Variants in WDR70 observed in about 807,000 individuals in gnomAD.
WDR70 encodes WD repeat domain 70, also known as WD repeat-containing protein 70.
In WDR70, 53 loss-of-function variants were observed where a neutral mutation model predicts 88.6. The observed-to-expected ratio is 0.60, with a 90% CI of 0.48 to 0.75. The LOEUF (loss-of-function observed/expected upper bound fraction) is 0.75. Among genes scored for constraint, WDR70 ranks in the 30% least tolerant of loss-of-function variants. WDR70 has a pLI of 0.00. For synonymous variants in WDR70, 280 were observed against 270.0 expected (o/e 1.04, Z -0.36); for missense variants, 610 against 823.2 (o/e 0.74, Z 3.17).
chr5:37,407,622 C>T (rs1237224588), intron 5 of WDR70, among the ~76,000 whole-genome samples: 1 of 151,918 alleles, frequency 6.6e-6, no homozygotes, highest in East Asian at 1.9e-4. Context: ...ATTTATTTGC[C>T]TACTTTAGCT....
chr5:37,593,169 T>A (rs546997716), intron 9 of WDR70, among the ~76,000 whole-genome samples: 64 of 152,294 alleles, frequency 4.2e-4, no homozygotes, highest in South Asian at 1.2e-3. Flanking sequence ...CTCTTTTTTT[T>A]AAAATACTTT....
At chr5:37,566,045 A>G (rs1021539598) in intron 9 of WDR70, among the ~76,000 whole-genome samples, 9 of 152,126 alleles carry the variant, frequency 5.9e-5, no homozygotes, top group African/African-American at 2.2e-4. Context: ...GAGTTGTGCA[A>G]CCATCATCTA....
At chr5:37,652,190 T>C (rs1745427987) in intron 10 of WDR70, among the ~76,000 whole-genome samples, 5 of 152,240 alleles carry the variant, frequency 3.3e-5, no homozygotes, top group Admixed American at 2.6e-4. Flanking sequence ...ATTTATTACA[T>C]AGGGAATCCT....
chr5:37,696,675 G>A (rs529899941), intron 10 of WDR70, among the ~76,000 whole-genome samples: 53 of 86,332 alleles, frequency 6.1e-4, no homozygotes, highest in South Asian at 1.8e-3. Flanking sequence ...ACACACACAC[G>A]CGCGTGCACA....
At chr5:37,393,332 G>A (rs1290474091) in intron 4 of WDR70, among the ~76,000 whole-genome samples, 2 of 152,116 alleles carry the variant, frequency 1.3e-5, no homozygotes, top group Admixed American at 1.3e-4. Flanking sequence ...GAGTCACCGC[G>A]CCCAGCGTTA....
chr5:37,563,225 GC>G (rs1182652087), intron 9 of WDR70, among the ~76,000 whole-genome samples: 4 of 68,308 alleles, frequency 5.9e-5, no homozygotes, highest in Non-Finnish European at 1.1e-4. Flanking sequence ...GGGCAGAGGG[GC>G]TCCTCACTTC....
intron 5 of WDR70, among the ~76,000 whole-genome samples, chr5:37,409,089 C>T (rs369737286): frequency 1.4e-4 from 22 of 152,172 alleles, no homozygotes; most frequent in African/African-American, 5.3e-4. Flanking sequence ...CAGGCACCTG[C>T]TACCATGCCC....
intron 13 of WDR70, among the ~76,000 whole-genome samples, chr5:37,709,212 A>C (rs1361968657): frequency 6.6e-6 from 1 of 152,248 alleles, no homozygotes; most frequent in Non-Finnish European, 1.5e-5. Flanking sequence ...TGGGCTTTGA[A>C]TTAACCAGCT....
intron 7 of WDR70, among the ~76,000 whole-genome samples, chr5:37,476,800 G>A (rs1739500623): frequency 6.6e-6 from 1 of 152,052 alleles, no homozygotes; most frequent in South Asian, 2.1e-4. Flanking sequence ...CACCTGCCTT[G>A]GCCTCCCAAA....
chr5:37,685,133 G>A (rs1396100904), intron 10 of WDR70, among the ~76,000 whole-genome samples: 1 of 152,106 alleles, frequency 6.6e-6, no homozygotes, highest in African/African-American at 2.4e-5. Context: ...GGGTGCTGGT[G>A]GGGGTGGGGC....
intron 17 of WDR70, among the ~76,000 whole-genome samples, chr5:37,727,316 A>G (rs1747999111): frequency 6.6e-6 from 1 of 152,204 alleles, no homozygotes. Context: ...GATTAAAACA[A>G]ACAACAAACA....
intron 16 of WDR70, 143 bp downstream of exon 16, chr5:37,725,193 T>C: frequency 3.0e-6 from 2 of 665,188 alleles, no homozygotes; most frequent in Non-Finnish European, 5.1e-6. Flanking sequence ...ATGTTTTCTT[T>C]TTAGTAACAG....
chr5:37,586,966 A>G (rs1387574885), intron 9 of WDR70, among the ~76,000 whole-genome samples: 1 of 152,072 alleles, frequency 6.6e-6, no homozygotes, highest in Non-Finnish European at 1.5e-5. Flanking sequence ...ATCTTATACC[A>G]TATCTTCCAC....
At chr5:37,504,474 T>C (rs1740498541) in intron 8 of WDR70, among the ~76,000 whole-genome samples, 1 of 152,210 alleles carries the variant, frequency 6.6e-6, no homozygotes, top group African/African-American at 2.4e-5. Context: ...TCTACAGAGG[T>C]ACCTTCAAGT....
intron 10 of WDR70, among the ~76,000 whole-genome samples, chr5:37,685,513 C>T (rs972600515): frequency 2.0e-5 from 3 of 152,056 alleles, no homozygotes; most frequent in African/African-American, 4.8e-5. Context: ...CTGGAAGAGG[C>T]CAGCTGACTT....
intron 17 of WDR70, among the ~76,000 whole-genome samples, chr5:37,738,017 G>A (rs1440531509): frequency 7.0e-6 from 1 of 142,386 alleles, no homozygotes; most frequent in Admixed American, 7.3e-5. Flanking sequence ...GTTGCCTAGT[G>A]TGCCTAATAT....
intron 10 of WDR70, among the ~76,000 whole-genome samples, chr5:37,626,805 T>C (rs1287626575): frequency 6.6e-6 from 1 of 152,168 alleles, no homozygotes; most frequent in East Asian, 1.9e-4. Context: ...GACTTGTAAT[T>C]GGTCTATTTG....
intron 17 of WDR70, among the ~76,000 whole-genome samples, chr5:37,727,652 C>T (rs969532262): frequency 1.3e-4 from 20 of 152,174 alleles, no homozygotes; most frequent in Middle Eastern, 3.4e-3. Context: ...CATAGCTCAC[C>T]GTAACCTCAA....
intron 10 of WDR70, among the ~76,000 whole-genome samples, chr5:37,622,756 G>A (rs897487357): frequency 7.2e-5 from 11 of 151,996 alleles, no homozygotes; most frequent in Admixed American, 2.0e-4. Flanking sequence ...TGGGGGGAGC[G>A]GGGAGGGATA....
Sources: allele counts gnomAD v4.1 joint callset (sites outside exome capture counted in the v4.1 genomes callset), GRCh38; gene constraint gnomAD v4.1.1; transcripts MANE v1.5; gene names NCBI Gene and HGNC (gene_info 2026-07-23, HGNC 2026-07-21).